The following ESCO1 variants were observed in gnomAD, a reference collection of about 807,000 sequenced individuals.
The protein encoded by ESCO1 is establishment of sister chromatid cohesion N-acetyltransferase 1.
In ESCO1, 33 loss-of-function variants were observed where a neutral mutation model predicts 83.5. That is an observed-to-expected ratio of 0.40 (90% CI 0.30 to 0.53). The LOEUF (loss-of-function observed/expected upper bound fraction) is 0.53. ESCO1 is among the 20% of genes least tolerant of loss of function. ESCO1 has a pLI of 0.63. For synonymous variants in ESCO1, 332 were observed against 324.3 expected (o/e 1.02, Z -0.25); for missense variants, 855 against 968.0 (o/e 0.88, Z 1.55).
At chr18:21,551,475 C>G (rs949052857) in intron 8 of ESCO1, among the ~76,000 whole-genome samples, 10 of 152,230 alleles carry the variant, frequency 6.6e-5, no homozygotes, top group African/African-American at 2.4e-4. Flanking sequence ...ATGAACTGAT[C>G]TTCAGAGATG....
intron 4 of ESCO1, among the ~76,000 whole-genome samples, chr18:21,570,003 C>T (rs551929384): frequency 1.3e-5 from 2 of 152,310 alleles, no homozygotes; most frequent in East Asian, 3.9e-4. Flanking sequence ...ATGTCCTGAA[C>T]CAATATGGTC....
intron 2 of ESCO1, among the ~76,000 whole-genome samples, chr18:21,577,983 G>C (rs2038443416): frequency 1.3e-5 from 2 of 152,064 alleles, no homozygotes; most frequent in Admixed American, 6.6e-5. Context: ...GAGTACTACT[G>C]AATTTGGCAA....
intron 9 of ESCO1, among the ~76,000 whole-genome samples, chr18:21,536,493 A>G (rs2037838923): frequency 6.6e-6 from 1 of 151,658 alleles, no homozygotes; most frequent in African/African-American, 2.4e-5. Context: ...CTGGAGGCTG[A>G]GACAGGAGAA....
intron 8 of ESCO1, among the ~76,000 whole-genome samples, chr18:21,555,909 A>G (rs957937220): frequency 2.6e-5 from 4 of 152,094 alleles, no homozygotes; most frequent in African/African-American, 7.2e-5. Flanking sequence ...ACAATGAGCT[A>G]TGATTGCGCC....
chr18:21,530,536 T>TAAA, intron 11 of ESCO1, 46 bp from the exon 12 acceptor site: 4 of 936,758 alleles, frequency 4.3e-6, no homozygotes, highest in South Asian at 3.7e-5. Flanking sequence ...TGTGAAATGT[T>TAAA]AAAAAAAAAA....
intron 8 of ESCO1, among the ~76,000 whole-genome samples, chr18:21,558,507 T>A (rs919562780): frequency 6.6e-6 from 1 of 152,104 alleles, no homozygotes; most frequent in African/African-American, 2.4e-5. Flanking sequence ...GGTGGGTGGA[T>A]CACCTGAGGT....
chr18:21,556,522 G>A (rs2038114258), intron 8 of ESCO1, among the ~76,000 whole-genome samples: 1 of 152,158 alleles, frequency 6.6e-6, no homozygotes, highest in Admixed American at 6.5e-5. Flanking sequence ...CTATCCAAGA[G>A]AACGTTCTGT....
chr18:21,560,740 A>T, intron 8 of ESCO1, 119 bp downstream of exon 8: 1 of 1,239,708 alleles, frequency 8.1e-7, no homozygotes, highest in South Asian at 1.5e-5. Flanking sequence ...TGCTTTGTAC[A>T]TATTATTATC....
intron 11 of ESCO1, among the ~76,000 whole-genome samples, chr18:21,531,634 C>A (rs1045828568): frequency 1.8e-4 from 27 of 151,858 alleles, no homozygotes; most frequent in African/African-American, 6.5e-4. Context: ...GCCTGGGGAA[C>A]ATGGCAAAAC....
At chr18:21,576,211 G>A (rs936269526) in intron 2 of ESCO1, among the ~76,000 whole-genome samples, 1 of 152,194 alleles carries the variant, frequency 6.6e-6, no homozygotes, top group East Asian at 1.9e-4. Context: ...GCAATAGAGG[G>A]ACTAAAACAA....
intron 8 of ESCO1, 138 bp from the exon 9 acceptor site, chr18:21,540,147 A>G (rs1017449948): frequency 1.3e-6 from 1 of 750,524 alleles, no homozygotes; most frequent in Non-Finnish European, 2.1e-6. Flanking sequence ...TATGCTCATT[A>G]ATGCTTAATA....
chr18:21,597,565 GAATT>G (rs1421830078), intron 1 of ESCO1, among the ~76,000 whole-genome samples: 10 of 151,370 alleles, frequency 6.6e-5, no homozygotes, highest in Admixed American at 5.3e-4. Context: ...TATTTCAAAT[GAATT>G]AATATATATG....
intron 8 of ESCO1, among the ~76,000 whole-genome samples, chr18:21,553,403 C>T (rs578069774): frequency 7.6e-4 from 3 of 3,940 alleles, no homozygotes; most frequent in South Asian, 0.071. Flanking sequence ...ACCCAGAGTT[C>T]GAAATAAGCT....
intron 1 of ESCO1, among the ~76,000 whole-genome samples, chr18:21,598,961 C>G (rs2038802194): frequency 6.6e-6 from 1 of 151,870 alleles, no homozygotes. Flanking sequence ...CCTGAATTTG[C>G]GACTTCCAAA....
chr18:21,537,985 C>A (rs2037857547), intron 9 of ESCO1, among the ~76,000 whole-genome samples: 1 of 150,394 alleles, frequency 6.6e-6, no homozygotes, highest in Non-Finnish European at 1.5e-5. Flanking sequence ...GCAGATGAAC[C>A]ATGTAGCCTA....
intron 8 of ESCO1, among the ~76,000 whole-genome samples, chr18:21,548,892 C>A (rs982646529): frequency 6.6e-6 from 1 of 150,968 alleles, no homozygotes; most frequent in Non-Finnish European, 1.5e-5. Flanking sequence ...GTGAGCTCAT[C>A]GCACCACCGC....
At chr18:21,598,295 T>C (rs1021637305) in intron 1 of ESCO1, among the ~76,000 whole-genome samples, 1 of 152,246 alleles carries the variant, frequency 6.6e-6, no homozygotes, top group African/African-American at 2.4e-5. Flanking sequence ...TAAAAAGGAC[T>C]ATCTGGCAAA....
intron 1 of ESCO1, among the ~76,000 whole-genome samples, chr18:21,596,727 C>T (rs373899335): frequency 7.2e-5 from 11 of 151,942 alleles, no homozygotes; most frequent in African/African-American, 2.2e-4. Context: ...CCCAGCTACT[C>T]GGGAGGCTGA....
At chr18:21,589,649 A>G (rs2038634177) in intron 1 of ESCO1, among the ~76,000 whole-genome samples, 1 of 152,188 alleles carries the variant, frequency 6.6e-6, no homozygotes. Context: ...TCAGAAAGCC[A>G]TCTAAACAGC....
Sources: gnomAD v4.1 joint callset for allele counts (sites outside exome capture counted in the v4.1 genomes callset) on GRCh38, gnomAD v4.1.1 for gene constraint, MANE v1.5 for transcripts, NCBI Gene and HGNC (gene_info 2026-07-23, HGNC 2026-07-21) for gene names.